DZIP1: variants seen among roughly 807,000 people sequenced by gnomAD.
DZIP1 encodes DAZ interacting zinc finger protein 1.
Under a neutral mutation model 107.6 loss-of-function variants are expected in DZIP1, and 97 were observed. The ratio of observed to expected loss-of-function variants is 0.90; its 90% CI spans 0.77 to 1.07. The LOEUF is 1.07. Among genes scored for constraint, DZIP1 ranks in the 50% least tolerant of loss-of-function variants. DZIP1 has a pLI of 0.00. For missense variants in DZIP1, 1,035 were observed against 1,063.6 expected (o/e 0.97, Z 0.37); for synonymous variants, 390 against 386.4 (o/e 1.01, Z -0.11).
chr13:95,585,939 A>G, intron 21 of DZIP1, 67 bp downstream of exon 21: 1 of 1,466,878 alleles, frequency 6.8e-7, no homozygotes. Flanking sequence ...CACTACAAAA[A>G]GTGTGACCAT....
At chr13:95,610,191 G>A (rs1458603914) in intron 12 of DZIP1, among the ~76,000 whole-genome samples, 1 of 151,742 alleles carries the variant, frequency 6.6e-6, no homozygotes, top group African/African-American at 2.4e-5. Flanking sequence ...TATCACTGCC[G>A]CAGTCAGTAG....
At chr13:95,584,470 C>T (rs926332629) in intron 22 of DZIP1, 14 of 548,032 alleles carry the variant, frequency 2.6e-5, no homozygotes, top group Non-Finnish European at 3.0e-5. Context: ...ACAATAACAC[C>T]GTTTCAAAAA....
chr13:95,596,021 A>C (rs1406404112), intron 15 of DZIP1, among the ~76,000 whole-genome samples: 2 of 152,148 alleles, frequency 1.3e-5, no homozygotes, highest in Non-Finnish European at 2.9e-5. Flanking sequence ...CCCTGTCCTC[A>C]AATTCACCTT....
chr13:95,605,789 A>C (rs1163093573), intron 14 of DZIP1, among the ~76,000 whole-genome samples: 1 of 152,206 alleles, frequency 6.6e-6, no homozygotes, highest in Non-Finnish European at 1.5e-5. Context: ...TTTTATACCT[A>C]TATACACCTT....
intron 10 of DZIP1, among the ~76,000 whole-genome samples, chr13:95,616,665 C>A (rs758135097): frequency 2.0e-5 from 3 of 152,060 alleles, no homozygotes; most frequent in Non-Finnish European, 2.9e-5. Flanking sequence ...TGACCAGGAC[C>A]CAGAGGCCAG....
At chr13:95,599,906 G>A (rs371947895) in intron 14 of DZIP1, among the ~76,000 whole-genome samples, 5 of 152,160 alleles carry the variant, frequency 3.3e-5, no homozygotes, top group Admixed American at 3.3e-4. Flanking sequence ...AAAGGGGAAC[G>A]ACAGGCGAGA....
rs375181641 is a variant in DZIP1 at position 95,624,827 on chromosome 13, T to A, written c.913A>T (p.Lys305Ter). Residue 305 changes from lysine (K) to a stop codon, truncating the protein, a stop_gained, in exon 8 of 23, where the codon AAG (lysine) becomes TAG (stop). Transcript: ENST00000376829. LOFTEE classifies it high-confidence loss of function. ...EKLVDEMEKV[K>*]EMFMKEFKEL... is the part of the protein sequence containing the mutation. ...TTAAATTCCTTCATAAACATCTCCT[T>A]GACTTTTTCCATTTCATCAACTAGT... 8.1e-6 allele frequency: 13 copies of A among 1,611,498 alleles called. No individual in the cohort carries two copies. Among genetic ancestry groups the A allele is most frequent in the Non-Finnish European group, 4.2e-6 (5 of 1,178,352 alleles).
In DZIP1 at chr13:95,618,638, G is replaced by A. The variant is rs138105867; in HGVS notation, c.1173+1247C>T. Among the ~76,000 whole-genome samples the A allele has an allele frequency of 3.4e-3, 518 of 151,990 alleles. 6 individuals are homozygous for A. Among genetic ancestry groups the A allele is most frequent in the Admixed American group, 0.023 (353 of 15,268 alleles). ...GTTCCCAGTTTCTTTTTCTCTCCCC[G>A]TCTTCCTCAGTATTTGTTCCACTTT... On this transcript the variant is annotated intron_variant, in intron 10 of 22. Transcript: ENST00000376829.
At chr13:95,585,854 G>T in intron 21 of DZIP1, 152 bp downstream of exon 21, 2 of 673,074 alleles carry the variant, frequency 3.0e-6, no homozygotes, top group Non-Finnish European at 2.3e-6. Flanking sequence ...GGAATGGAAA[G>T]AAATGCAATA....
rs899357272 is a variant in DZIP1 at position 95,580,957 on chromosome 13, G to C, written c.*1277C>G. 5 of 152,202 alleles carry C rather than the reference G, an allele frequency of 3.3e-5. No individual in the cohort carries two copies. The highest frequency in any genetic ancestry group is 1.2e-4 in the African/African-American group (5 of 41,448). 9.4% of individuals were successfully genotyped at this position (152,202 alleles called of 1,614,324 possible). A position where few individuals can be genotyped will look rare whatever the true frequency, so the allele number is the denominator to read the frequency against. Reference sequence around the variant, plus strand: ...GCAGGAATGGGCTACAAGTAAAAAGGATCCCAGGGTGGGTGGAAACAGATA... The same window carrying C: ...GCAGGAATGGGCTACAAGTAAAAAGCATCCCAGGGTGGGTGGAAACAGATA... On this transcript the variant is annotated 3_prime_UTR_variant, in exon 23 of 23. Coordinates refer to ENST00000376829, the MANE Select transcript of DZIP1 (RefSeq NM_198968.4).
At chr13:95,626,575 C>T (rs150220660) in intron 7 of DZIP1, among the ~76,000 whole-genome samples, 1 of 152,180 alleles carries the variant, frequency 6.6e-6, no homozygotes, top group Non-Finnish European at 1.5e-5. Flanking sequence ...GGAAAAGTCC[C>T]AGACCAGATG....
At chr13:95,609,593 GC>G (rs1340121970) in intron 12 of DZIP1, 80 bp from the exon 13 acceptor site, 1 of 1,006,402 alleles carries the variant, frequency 9.9e-7, no homozygotes, top group South Asian at 2.0e-5. Context: ...ACTAATTTGA[GC>G]CCCCATAAAA....
chr13:95,634,333 C>T (rs1433460932), intron 5 of DZIP1, among the ~76,000 whole-genome samples: 3 of 152,234 alleles, frequency 2.0e-5, no homozygotes, highest in Admixed American at 6.5e-5. Context: ...TGTCACATCA[C>T]GTAGTCTTCT....
rs1217099511 is a variant in DZIP1, at chr13:95,578,446, G to A, written c.*3788C>T. The A allele has an allele frequency of 2.0e-5, 3 of 152,454 alleles. No individual in the cohort carries two copies. The highest frequency in any genetic ancestry group is 2.1e-4 in the South Asian group (1 of 4,826). The allele number at this position is 152,454 out of a possible 1,614,324, so 9.4% of individuals were successfully genotyped here. On this transcript the variant is annotated 3_prime_UTR_variant, in exon 23 of 23. Coordinates refer to ENST00000376829, the MANE Select transcript of DZIP1 (RefSeq NM_198968.4). ...GGCAATCTGAGAATATTCCTCAAAA[G>A]GTGTCCAGGTTAAATAGACATGTTA...
chr13:95,608,757 C>T (rs769146718), intron 13 of DZIP1, among the ~76,000 whole-genome samples: 1 of 152,132 alleles, frequency 6.6e-6, no homozygotes, highest in African/African-American at 2.4e-5. Flanking sequence ...AAAACACGCT[C>T]AAGAACGTCC....
rs571654167 is a variant in DZIP1, at chr13:95,638,421, T to C, written c.597+2874A>G. 2.0e-5 allele frequency among the ~76,000 whole-genome samples: 3 copies of C among 152,280 alleles called. No homozygotes were observed. In the South Asian group the frequency reaches 6.2e-4, roughly 32 times the overall value. Reference sequence around the variant, plus strand: ...GAGTTAAATCTAAGAGGTGGGTATATGGTATGTCTTACATTAGTCTATGCA... The same window carrying C: ...GAGTTAAATCTAAGAGGTGGGTATACGGTATGTCTTACATTAGTCTATGCA... On this transcript the variant is annotated intron_variant, in intron 5 of 22. Transcript: ENST00000376829.
At position 95,604,601 on chromosome 13, in the gene DZIP1, G is replaced by A. The variant is rs142173898; in HGVS notation, c.1477+1402C>T. On this transcript the variant is annotated intron_variant, in intron 14 of 22. Transcript: ENST00000376829. ...ATGAACACATGCTTTAGAAATGATC[G>A]ATTTGTCCGGACCCTTGAATCAACC... 1.9e-3 allele frequency among the ~76,000 whole-genome samples: 297 copies of A among 152,312 alleles called. 1 individual carries two copies. The highest frequency in any genetic ancestry group is 6.9e-3 in the African/African-American group (285 of 41,558).
rs985250006 is a variant in DZIP1 at position 95,579,030 on chromosome 13, C to T, written c.*3204G>A. The T allele has an allele frequency of 4.6e-5, 7 of 152,154 alleles. No homozygotes were observed. Among genetic ancestry groups the T allele is most frequent in the Admixed American group, 4.6e-4 (7 of 15,282 alleles). 9.4% of individuals were successfully genotyped at this position (152,154 alleles called of 1,614,324 possible). On this transcript the variant is annotated 3_prime_UTR_variant, in exon 23 of 23. Coordinates refer to ENST00000376829, the MANE Select transcript of DZIP1 (RefSeq NM_198968.4). ...AGGAGCCAATTAAAACCTGTTTATG[C>T]CTAGTGTTCCATTATTGGAACACTA...
chr13:95,598,247 A>G (rs2044513909), intron 15 of DZIP1, among the ~76,000 whole-genome samples: 1 of 152,192 alleles, frequency 6.6e-6, no homozygotes. Flanking sequence ...TCAGTGCCAA[A>G]CATGAACAAC....
Sources: gnomAD v4.1 joint callset for allele counts (sites outside exome capture counted in the v4.1 genomes callset) on GRCh38, gnomAD v4.1.1 for gene constraint, MANE v1.5 for transcripts, NCBI Gene and HGNC (gene_info 2026-07-23, HGNC 2026-07-21) for gene names.